FBN1: variants seen among roughly 807,000 people sequenced by gnomAD.
FBN1 encodes fibrillin-1.
Under a neutral mutation model 365.1 loss-of-function variants are expected in FBN1, and 29 were observed. The observed-to-expected ratio is 0.08, with a 90% CI of 0.06 to 0.11. FBN1 has a LOEUF of 0.11. Among genes scored for constraint, FBN1 ranks in the 10% least tolerant of loss-of-function variants. The pLI is 1.00. For missense variants in FBN1, 2,476 were observed against 3,703.2 expected (o/e 0.67, Z 8.60); for synonymous variants, 1,210 against 1,270.5 (o/e 0.95, Z 1.01).
At chr15:48,416,850 C>T (rs1012133597) in intron 63 of FBN1, 2 of 152,152 alleles carry the variant, frequency 1.3e-5, no homozygotes, top group Admixed American at 6.5e-5. Context: ...CTTCACTTAG[C>T]GAATAACCAC....
intron 44 of FBN1, 40 bp downstream of exon 44, chr15:48,456,597 A>G (rs753300193): frequency 1.2e-6 from 2 of 1,606,954 alleles, no homozygotes; most frequent in East Asian, 4.5e-5. Flanking sequence ...CTCATCAGTT[A>G]GCTCTTTTCT....
intron 6 of FBN1, among the ~76,000 whole-genome samples, chr15:48,548,940 C>T (rs1280799543): frequency 6.6e-6 from 1 of 152,170 alleles, no homozygotes; most frequent in East Asian, 1.9e-4. Flanking sequence ...AATAGAATAT[C>T]AATGACCTTG....
chr15:48,475,718 T>C (rs570326670), intron 32 of FBN1, among the ~76,000 whole-genome samples: 1 of 152,362 alleles, frequency 6.6e-6, no homozygotes, highest in South Asian at 2.1e-4. Context: ...ATGTTTGCCT[T>C]TTTGTTTACT....
At position 48,415,562 on chromosome 15, in the gene FBN1, T is replaced by G. The variant is rs771921351; in HGVS notation, c.8025A>C (p.Pro2675=). ...NTEGGYLCGC[P]PGYFRIGQGH... is the part of the protein sequence containing the mutation. ...CTTGGCCTATGCGGAAGTAACCAGGTGGACAGCCACACAGGTAACCGCCCT... is the reference window on the plus strand; with the variant it reads ...CTTGGCCTATGCGGAAGTAACCAGGGGGACAGCCACACAGGTAACCGCCCT... The change falls in exon 64 of 66, where the codon CCA becomes CCC. Residue 2675 remains proline (P), a synonymous_variant. Coordinates refer to ENST00000316623, the MANE Select transcript of FBN1 (RefSeq NM_000138.5). The G allele has an allele frequency of 6.2e-7, 1 of 1,614,018 alleles. No homozygotes were observed. Among genetic ancestry groups the G allele is most frequent in the East Asian group, 2.2e-5 (1 of 44,878 alleles).
rs536476030 is a variant in FBN1, at chr15:48,462,677, T to C, written c.5224+405A>G. ...TTCTTGTTTAACATTTACATCTTTG[T>C]AGGCTGCCTTTAACTATTTTTGGAA... is the stretch of plus-strand genomic sequence containing the variant. On this transcript the variant is annotated intron_variant, in intron 42 of 65. Transcript: ENST00000316623. Among the ~76,000 whole-genome samples, 6 of 152,318 alleles carry C rather than the reference T, an allele frequency of 3.9e-5. No homozygotes were observed. In the South Asian group the frequency reaches 6.2e-4, roughly 16 times the overall value.
In FBN1 at chr15:48,420,547, C is replaced by T. The variant is rs59270599; in HGVS notation, c.7819+140G>A. On this transcript the variant is annotated intron_variant, in intron 63 of 65. Transcript: ENST00000316623. ...GTTTTGCAAAGACTGTTACTTACCT[C>T]GGGTTTCAACCAGGTTAGGGCAATT... 1.7e-3 allele frequency: 1,815 copies of T among 1,047,772 alleles called. 20 individuals carry two copies. In the African/African-American group the frequency reaches 0.025, roughly 15 times the overall value. 64.9% of individuals were successfully genotyped at this position (1,047,772 alleles called of 1,614,324 possible).
chr15:48,485,581 T>C, intron 29 of FBN1, 85 bp from the exon 30 acceptor site: 1 of 1,448,778 alleles, frequency 6.9e-7, no homozygotes, highest in Non-Finnish European at 9.6e-7. Context: ...TTAACTGCCA[T>C]TGTAACACTA....
chr15:48,584,684 T>A (rs2437947), intron 6 of FBN1, among the ~76,000 whole-genome samples: 11,781 of 152,170 alleles, frequency 0.077, 502 homozygotes, highest in Middle Eastern at 0.16. Flanking sequence ...AAATGAGGCC[T>A]AAATAAGGTC....
At chr15:48,493,950 T>C (rs1377388275) in intron 23 of FBN1, among the ~76,000 whole-genome samples, 3 of 152,218 alleles carry the variant, frequency 2.0e-5, no homozygotes, top group Admixed American at 6.5e-5. Flanking sequence ...GAAAGTGCAG[T>C]CTCTCTAAAC....
intron 6 of FBN1, among the ~76,000 whole-genome samples, chr15:48,580,944 G>C (rs1022642788): frequency 2.0e-5 from 3 of 152,068 alleles, no homozygotes; most frequent in Non-Finnish European, 4.4e-5. Context: ...TTGTATAGTG[G>C]GGCAGACAAG....
At chr15:48,608,018 G>A (rs892695869) in intron 4 of FBN1, among the ~76,000 whole-genome samples, 1 of 152,346 alleles carries the variant, frequency 6.6e-6, no homozygotes, top group African/African-American at 2.4e-5. Context: ...GCTGAATGAC[G>A]AGTGTCGAGA....
chr15:48,420,186 A>G (rs1037278724), intron 63 of FBN1, among the ~76,000 whole-genome samples: 1 of 140,288 alleles, frequency 7.1e-6, no homozygotes, highest in African/African-American at 2.7e-5. Context: ...GAATTTAGCA[A>G]TCTTGAAAAA....
At chr15:48,517,138 C>A (rs909719618) in intron 10 of FBN1, among the ~76,000 whole-genome samples, 2 of 152,124 alleles carry the variant, frequency 1.3e-5, no homozygotes, top group African/African-American at 2.4e-5. Flanking sequence ...GGGTAGAAAC[C>A]AAGTTCCATT....
At chr15:48,526,624 A>ATTTTAT (rs1210039335) in intron 8 of FBN1, among the ~76,000 whole-genome samples, 4 of 152,102 alleles carry the variant, frequency 2.6e-5, no homozygotes, top group Non-Finnish European at 5.9e-5. Flanking sequence ...CTCTCCTACT[A>ATTTTAT]ATTATTTTAT....
intron 61 of FBN1, 22 bp from the exon 62 acceptor site, chr15:48,421,708 AAG>A (rs1566891732): frequency 2.5e-6 from 4 of 1,611,196 alleles, no homozygotes; most frequent in Non-Finnish European, 3.4e-6. Flanking sequence ...AGTGGGGGCA[AAG>A]AGGGGTTAAA....
chr15:48,619,831 G>A (rs759717845), intron 2 of FBN1, among the ~76,000 whole-genome samples: 96 of 150,616 alleles, frequency 6.4e-4, no homozygotes, highest in Non-Finnish European at 6.3e-4. Context: ...GAGTTTACCT[G>A]TATAACAAAC....
At chr15:48,612,951 C>T (rs2044668240) in intron 3 of FBN1, 59 bp downstream of exon 3, 1 of 1,252,554 alleles carries the variant, frequency 8.0e-7, no homozygotes, top group Admixed American at 1.7e-5. Context: ...TAAGGCTCCC[C>T]ATGCAACCAA....
At chr15:48,452,984 C>T (rs186023494) in intron 44 of FBN1, among the ~76,000 whole-genome samples, 12 of 152,234 alleles carry the variant, frequency 7.9e-5, no homozygotes, top group East Asian at 5.8e-4. Context: ...TGGCCAGGTG[C>T]GGTTGCTCAC....
Position 48,513,583 on chromosome 15 carries a change from T to C in FBN1, c.1554A>G (p.Gly518=), listed in dbSNP as rs2043777979. The C allele has an allele frequency of 6.2e-7, 1 of 1,613,914 alleles. No individual in the cohort carries two copies. The highest frequency in any genetic ancestry group is 1.3e-5 in the African/African-American group (1 of 74,902). ...CTGTCCGCGTGAGTGTGCTCTGATA[T>C]CCAGCTCGGCACTGACAGGTGTACG... ...QGSYTCQCRA[G]YQSTLTRTEC... is the part of the protein sequence containing the mutation. The change falls in exon 13 of 66, where the codon GGA becomes GGG. Residue 518 remains glycine, a synonymous_variant. Transcript: ENST00000316623.
Sources: allele counts gnomAD v4.1 joint callset (sites outside exome capture counted in the v4.1 genomes callset), GRCh38; gene constraint gnomAD v4.1.1; transcripts MANE v1.5; gene names NCBI Gene and HGNC (gene_info 2026-07-23, HGNC 2026-07-21).